TRPM8: variants seen among roughly 807,000 people sequenced by gnomAD.
The protein encoded by TRPM8 is TRPM8 cationic channel.
In TRPM8, 110 loss-of-function variants were observed where a neutral mutation model predicts 133.7. The observed-to-expected ratio is 0.82, with a 90% CI of 0.70 to 0.96. The LOEUF (loss-of-function observed/expected upper bound fraction) is 0.96, where lower values mean the gene tolerates loss of function less well. Ranked by LOEUF, TRPM8 falls within the 40% of genes least tolerant of loss-of-function variation. The probability of loss-of-function intolerance (pLI) is 0.00; values close to 1 mark genes in which losing one functional copy is unlikely to be tolerated. For missense variants in TRPM8, 1,291 were observed against 1,379.5 expected (o/e 0.94, Z 1.02); for synonymous variants, 535 against 532.3 (o/e 1.01, Z -0.07).
intron 22 of TRPM8, among the ~76,000 whole-genome samples, chr2:234,000,326 G>A (rs773620127): frequency 8.1e-4 from 124 of 152,148 alleles, no homozygotes; most frequent in Admixed American, 1.5e-3. Context: ...GGCCAGGCTC[G>A]TCTTGAACTC....
At position 233,966,363 on chromosome 2, in the gene TRPM8, G is replaced by A. The variant is rs527583821; in HGVS notation, c.1880-247G>A. Among the ~76,000 whole-genome samples, 11 of 152,308 alleles carry A rather than the reference G, an allele frequency of 7.2e-5. No homozygotes were observed. In the East Asian group the frequency reaches 2.1e-3, roughly 29 times the overall value. On this transcript the variant is annotated intron_variant, in intron 14 of 25. Transcript: ENST00000324695. ...AGAGGGGCTCCCTCTGTCCAATGCA[G>A]CTCAATCCAGTGAGCAGTTATTGTC...
chr2:233,973,576 T>C (rs1027189083), intron 17 of TRPM8, among the ~76,000 whole-genome samples: 1 of 152,232 alleles, frequency 6.6e-6, no homozygotes, highest in African/African-American at 2.4e-5. Flanking sequence ...TAATTAGTTA[T>C]ATCTGCAATG....
At chr2:233,999,590 G>A (rs1692498512) in intron 22 of TRPM8, among the ~76,000 whole-genome samples, 1 of 151,540 alleles carries the variant, frequency 6.6e-6, no homozygotes, top group African/African-American at 2.5e-5. Flanking sequence ...GGTCCTCTGA[G>A]AATGCCTCCC....
intron 17 of TRPM8, 35 bp from the exon 18 acceptor site, chr2:233,980,153 T>A: frequency 7.2e-7 from 1 of 1,383,198 alleles, no homozygotes; most frequent in Non-Finnish European, 1.0e-6. Context: ...ATTTCCAAGC[T>A]GCTGATGTCC....
chr2:233,992,251 C>T (rs1207791802), intron 21 of TRPM8, among the ~76,000 whole-genome samples: 2 of 151,668 alleles, frequency 1.3e-5, no homozygotes, highest in African/African-American at 2.4e-5. Context: ...GAAAGTTCCT[C>T]CTCTTTTTTG....
At chr2:233,963,809 T>C (rs1417547455) in intron 13 of TRPM8, among the ~76,000 whole-genome samples, 1 of 152,216 alleles carries the variant, frequency 6.6e-6, no homozygotes, top group Non-Finnish European at 1.5e-5. Flanking sequence ...CATTACTTTA[T>C]TTTGAGAGAT....
At chr2:233,960,217 A>G (rs1691396422) in intron 11 of TRPM8, among the ~76,000 whole-genome samples, 1 of 152,198 alleles carries the variant, frequency 6.6e-6, no homozygotes, top group South Asian at 2.1e-4. Flanking sequence ...TGTGGTTTGC[A>G]TATAGTTTGA....
intron 2 of TRPM8, among the ~76,000 whole-genome samples, chr2:233,927,722 C>G (rs1444680957): frequency 3.4e-5 from 1 of 29,324 alleles, no homozygotes; most frequent in Non-Finnish European, 5.2e-5. Context: ...TTCTTTCTTT[C>G]TTTCTTTCTT....
intron 17 of TRPM8, among the ~76,000 whole-genome samples, chr2:233,978,248 A>C (rs984693893): frequency 7.9e-5 from 11 of 139,334 alleles, no homozygotes; most frequent in Non-Finnish European, 1.2e-4. Context: ...TTTTAAGTTG[A>C]GCCTTTTTTT....
chr2:234,005,154 T>C (rs1009181748), intron 22 of TRPM8, among the ~76,000 whole-genome samples: 1 of 152,230 alleles, frequency 6.6e-6, no homozygotes, highest in Admixed American at 6.5e-5. Flanking sequence ...TAAGTCTTTG[T>C]ATATTGGCTG....
chr2:233,917,732 C>A (rs1691330925), intron 1 of TRPM8, among the ~76,000 whole-genome samples: 1 of 152,168 alleles, frequency 6.6e-6, no homozygotes, highest in Non-Finnish European at 1.5e-5. Context: ...GAGTTAGAAA[C>A]TCCCTAAATG....
At chr2:234,012,132 A>G (rs1692854212) in intron 24 of TRPM8, among the ~76,000 whole-genome samples, 1 of 147,264 alleles carries the variant, frequency 6.8e-6, no homozygotes, top group East Asian at 2.0e-4. Flanking sequence ...AAATATACTG[A>G]ATTTATTTAT....
intron 11 of TRPM8, among the ~76,000 whole-genome samples, chr2:233,958,938 G>C (rs1691361243): frequency 6.6e-6 from 1 of 151,816 alleles, no homozygotes; most frequent in Admixed American, 6.6e-5. Context: ...GAGTTGGAGA[G>C]CCAAGGCTCC....
chr2:233,977,281 C>A (rs1574751492), intron 17 of TRPM8, among the ~76,000 whole-genome samples: 1 of 152,326 alleles, frequency 6.6e-6, no homozygotes, highest in East Asian at 1.9e-4. Context: ...CACGTTGAAT[C>A]TCCAAATCCT....
At position 233,974,869 on chromosome 2, in the gene TRPM8, C is replaced by CAG. The variant is rs368803601; in HGVS notation, c.2355+4459_2355+4460dup. Among the ~76,000 whole-genome samples, 850 of 149,408 alleles carry CAG rather than the reference C, an allele frequency of 5.7e-3. 7 individuals are homozygous for CAG. Among genetic ancestry groups the CAG allele is most frequent in the African/African-American group, 0.019 (771 of 40,446 alleles). ...GAAATGAGTCATGAGCACAAATTAG[C>CAG]AGAGAGAGAGAGAGAGACAGAGAGA... On this transcript the variant is annotated intron_variant, in intron 17 of 25. Transcript: ENST00000324695.
chr2:233,923,895 C>T (rs543255990), intron 1 of TRPM8, among the ~76,000 whole-genome samples: 4 of 152,322 alleles, frequency 2.6e-5, no homozygotes, highest in East Asian at 1.9e-4. Flanking sequence ...GTGAAAATTT[C>T]GGACCAATAT....
chr2:233,966,854 C>A (rs1323227873), intron 15 of TRPM8, 99 bp downstream of exon 15: 37 of 1,378,898 alleles, frequency 2.7e-5, no homozygotes, highest in Non-Finnish European at 3.4e-5. Context: ...AAACCTTATT[C>A]TCCAATATAA....
rs528191652 is a variant in TRPM8, at chr2:233,929,419, A to C, written c.118-1249A>C. Among the ~76,000 whole-genome samples, 8 of 152,296 alleles carry C rather than the reference A, an allele frequency of 5.3e-5. No individual in the cohort carries two copies. In the South Asian group the frequency reaches 1.7e-3, roughly 32 times the overall value. On this transcript the variant is annotated intron_variant, in intron 2 of 25. Transcript: ENST00000324695. The stretch of plus-strand genomic sequence containing the variant: ...CACATTGTGAACTTCATTCCAGGAG[A>C]AGGGACATCCCCCTTTGCAGTGCAT...
intron 19 of TRPM8, among the ~76,000 whole-genome samples, chr2:233,982,334 T>C (rs1692031864): frequency 2.0e-5 from 3 of 152,160 alleles, no homozygotes; most frequent in Non-Finnish European, 4.4e-5. Context: ...ATCATGTAAC[T>C]GTGTAATATA....
Sources: allele counts gnomAD v4.1 joint callset (sites outside exome capture counted in the v4.1 genomes callset), GRCh38; gene constraint gnomAD v4.1.1; transcripts MANE v1.5; gene names NCBI Gene and HGNC (gene_info 2026-07-23, HGNC 2026-07-21).